Variants in MCC observed in about 807,000 individuals in gnomAD.
MCC encodes the protein MCC regulator of Wnt signaling pathway.
A neutral mutation model predicts 116.2 loss-of-function variants in MCC; 90 were observed. That is an observed-to-expected ratio of 0.77 (90% CI 0.65 to 0.92). MCC has a LOEUF of 0.92. Among genes scored for constraint, MCC ranks in the 40% least tolerant of loss-of-function variants. The pLI is 0.00. For missense variants in MCC, 1,516 were observed against 1,312.2 expected (o/e 1.16, Z -2.40); for synonymous variants, 578 against 510.5 (o/e 1.13, Z -1.78).
intron 2 of MCC, among the ~76,000 whole-genome samples, chr5:113,346,955 A>C (rs933846292): frequency 4.0e-5 from 6 of 151,632 alleles, no homozygotes; most frequent in East Asian, 1.9e-4. Context: ...AAAAAAAAAA[A>C]CCCTTTTACA....
chr5:113,241,029 A>G (rs768515671), intron 3 of MCC, among the ~76,000 whole-genome samples: 2 of 152,204 alleles, frequency 1.3e-5, no homozygotes, highest in South Asian at 2.1e-4. Flanking sequence ...GATGTCCTAT[A>G]AATTAGTTGA....
intron 1 of MCC, among the ~76,000 whole-genome samples, chr5:113,412,584 G>T (rs1227123611): frequency 6.6e-6 from 1 of 152,132 alleles, no homozygotes; most frequent in East Asian, 1.9e-4. Flanking sequence ...TCTGTTATTG[G>T]TGTATAGGAA....
chr5:113,359,863 A>G (rs1768503981), intron 2 of MCC, among the ~76,000 whole-genome samples: 1 of 152,156 alleles, frequency 6.6e-6, no homozygotes, highest in African/African-American at 2.4e-5. Context: ...GGTAACATCC[A>G]TGGTCCATAT....
chr5:113,333,750 TA>T (rs564193022), intron 3 of MCC, among the ~76,000 whole-genome samples: 4 of 140,538 alleles, frequency 2.8e-5, no homozygotes, highest in Non-Finnish European at 6.1e-5. Context: ...GTTAGATAAC[TA>T]AATGCACAAA....
At chr5:113,360,995 A>G (rs1467356726) in intron 2 of MCC, among the ~76,000 whole-genome samples, 2 of 152,322 alleles carry the variant, frequency 1.3e-5, no homozygotes, top group East Asian at 3.9e-4. Flanking sequence ...ATACTGCCAG[A>G]TAATTAACAA....
Position 113,027,193 on chromosome 5 carries a change from G to A in MCC, c.*109C>T, listed in dbSNP as rs576202033. ...CCATTGTCCAAGTGCCGACCTACCT[G>A]CCAGCCTTCCCTTTCCTCCTCCTCC... On this transcript the variant is annotated 3_prime_UTR_variant, in exon 19 of 19. Coordinates refer to ENST00000408903, the MANE Select transcript of MCC (RefSeq NM_001085377.2). The A allele has an allele frequency of 1.3e-5, 16 of 1,204,852 alleles. No homozygotes were observed. Among genetic ancestry groups the A allele is most frequent in the Admixed American group, 1.3e-4 (5 of 39,432 alleles). 74.6% of individuals were successfully genotyped at this position (1,204,852 alleles called of 1,614,324 possible).
intron 7 of MCC, among the ~76,000 whole-genome samples, chr5:113,102,600 G>GA (rs1398285039): frequency 4.6e-5 from 7 of 152,112 alleles, no homozygotes; most frequent in Non-Finnish European, 8.8e-5. Flanking sequence ...AAATTTAAAG[G>GA]AAAATCTTAG....
At chr5:113,130,371 A>C (rs1383222523) in intron 5 of MCC, among the ~76,000 whole-genome samples, 1 of 152,170 alleles carries the variant, frequency 6.6e-6, no homozygotes, top group African/African-American at 2.4e-5. Flanking sequence ...GCATTAGGAG[A>C]AATACCTAAT....
At chr5:113,145,700 G>A (rs1410918004) in intron 4 of MCC, among the ~76,000 whole-genome samples, 3 of 149,510 alleles carry the variant, frequency 2.0e-5, no homozygotes, top group African/African-American at 4.9e-5. Flanking sequence ...CTCTGCCTAT[G>A]GAGTGGCCAT....
chr5:113,296,037 T>A (rs974964308), intron 3 of MCC, among the ~76,000 whole-genome samples: 1 of 152,154 alleles, frequency 6.6e-6, no homozygotes, highest in Non-Finnish European at 1.5e-5. Flanking sequence ...GTTTTACCCA[T>A]CCCCCTTCTT....
intron 3 of MCC, among the ~76,000 whole-genome samples, chr5:113,281,271 C>T (rs1032346937): frequency 3.9e-5 from 6 of 152,192 alleles, no homozygotes; most frequent in Admixed American, 2.0e-4. Flanking sequence ...AATTGCAACT[C>T]GTACAGTAAT....
At chr5:113,181,440 A>G (rs1262639519) in intron 3 of MCC, among the ~76,000 whole-genome samples, 1 of 152,242 alleles carries the variant, frequency 6.6e-6, no homozygotes, top group African/African-American at 2.4e-5. Context: ...AGAAGACAAC[A>G]TGTTATGAAC....
At chr5:113,260,806 C>A (rs1581332659) in intron 3 of MCC, among the ~76,000 whole-genome samples, 1 of 151,850 alleles carries the variant, frequency 6.6e-6, no homozygotes, top group Non-Finnish European at 1.5e-5. Flanking sequence ...TTACCATACA[C>A]ATCTTCAGTA....
intron 16 of MCC, among the ~76,000 whole-genome samples, chr5:113,045,087 T>C (rs908527604): frequency 3.3e-5 from 5 of 152,242 alleles, no homozygotes; most frequent in Non-Finnish European, 4.4e-5. Flanking sequence ...ACCCTTGGAA[T>C]CTGTTGAGAT....
intron 3 of MCC, among the ~76,000 whole-genome samples, chr5:113,336,561 T>A (rs1427052706): frequency 6.8e-6 from 1 of 148,112 alleles, no homozygotes. Flanking sequence ...TTGTCCCTAC[T>A]CTCCTATACA....
chr5:113,175,579 T>C (rs115838852), intron 3 of MCC, among the ~76,000 whole-genome samples: 12 of 152,222 alleles, frequency 7.9e-5, no homozygotes, highest in African/African-American at 2.6e-4. Flanking sequence ...TAAATAGATA[T>C]GATGCTAGGG....
Position 113,122,805 on chromosome 5 carries a change from T to A in MCC, c.906A>T (p.Glu302Asp). Reference protein sequence around the residue: ...TTIREEDEYSELRSELSQSQH... With the variant: ...TTIREEDEYSDLRSELSQSQH... The stretch of plus-strand genomic sequence containing the variant: ...GGCTCTGGCTGAGTTCTGATCGCAG[T>A]TCTGAGTACTCATCTTCCTCCCTGA... The change falls in exon 6 of 19, where the codon GAA (glutamate) becomes GAT (aspartate). Residue 302 changes from glutamate (E) to aspartate (D), a missense_variant. Coordinates refer to ENST00000408903, the MANE Select transcript of MCC (RefSeq NM_001085377.2). 1 of 1,614,168 alleles carries A rather than the reference T, an allele frequency of 6.2e-7. No individual in the cohort carries two copies. Among genetic ancestry groups the A allele is most frequent in the Non-Finnish European group, 8.5e-7 (1 of 1,180,012 alleles).
At chr5:113,095,229 G>A (rs1755932506) in intron 8 of MCC, among the ~76,000 whole-genome samples, 1 of 152,100 alleles carries the variant, frequency 6.6e-6, no homozygotes, top group Non-Finnish European at 1.5e-5. Flanking sequence ...GGACAAGGGT[G>A]GACAGAAGGC....
chr5:113,167,772 A>C (rs1378304962), intron 3 of MCC, among the ~76,000 whole-genome samples: 1 of 152,140 alleles, frequency 6.6e-6, no homozygotes, highest in Admixed American at 6.6e-5. Context: ...CAGGGACTAC[A>C]GGTGTGTGCC....
Sources: gnomAD v4.1 joint callset for allele counts (sites outside exome capture counted in the v4.1 genomes callset) on GRCh38, gnomAD v4.1.1 for gene constraint, MANE v1.5 for transcripts, NCBI Gene and HGNC (gene_info 2026-07-23, HGNC 2026-07-21) for gene names.